Variants in CRTAC1 observed in about 807,000 individuals in gnomAD.
The protein encoded by CRTAC1 is cartilage acidic protein 1.
Under a neutral mutation model 67.8 loss-of-function variants are expected in CRTAC1, and 37 were observed. The observed-to-expected ratio is 0.55, with a 90% CI of 0.42 to 0.72. The LOEUF (loss-of-function observed/expected upper bound fraction) is 0.72. Among genes scored for constraint, CRTAC1 ranks in the 30% least tolerant of loss-of-function variants. CRTAC1 has a pLI of 0.00. For synonymous variants in CRTAC1, 348 were observed against 371.0 expected (o/e 0.94, Z 0.71); for missense variants, 780 against 931.6 (o/e 0.84, Z 2.12).
At position 97,884,867 on chromosome 10, in the gene CRTAC1, G is replaced by A. The variant is rs191093725; in HGVS notation, c.1487-516C>T. On this transcript the variant is annotated intron_variant, in intron 11 of 14. Coordinates refer to ENST00000370597, the MANE Select transcript of CRTAC1 (RefSeq NM_018058.7). Reference sequence around the variant, plus strand: ...GGCTCTACCCCTTACCTGGTATGTTGGAAAGAGCATGGTGGGAAGTGGGTG... The same window carrying A: ...GGCTCTACCCCTTACCTGGTATGTTAGAAAGAGCATGGTGGGAAGTGGGTG... Among the ~76,000 whole-genome samples, 260 of 152,254 alleles carry A rather than the reference G, an allele frequency of 1.7e-3. 5 individuals carry two copies. Among genetic ancestry groups the A allele is most frequent in the Non-Finnish European group, 3.7e-4 (25 of 68,004 alleles).
At chr10:98,016,549 A>G (rs966472635) in intron 1 of CRTAC1, among the ~76,000 whole-genome samples, 1 of 152,118 alleles carries the variant, frequency 6.6e-6, no homozygotes, top group African/African-American at 2.4e-5. Context: ...GTCAGGTGAT[A>G]TGAGACTCTA....
intron 2 of CRTAC1, among the ~76,000 whole-genome samples, chr10:98,008,010 C>T (rs1842826475): frequency 6.6e-6 from 1 of 152,142 alleles, no homozygotes; most frequent in African/African-American, 2.4e-5. Flanking sequence ...GCACACAGAG[C>T]CCACATTTAC....
intron 14 of CRTAC1, chr10:97,878,749 C>A: frequency 7.7e-7 from 1 of 1,293,836 alleles, no homozygotes; most frequent in African/African-American, 1.5e-5. Context: ...ATTGAGGAGT[C>A]TTAGAAAGGA....
rs1001930651 is a variant in CRTAC1 at position 97,922,139 on chromosome 10, A to AC, written c.558+1124dup. On this transcript the variant is annotated intron_variant, in intron 4 of 14. Transcript: ENST00000370597. The stretch of plus-strand genomic sequence containing the variant: ...GCCCCTAACCGTGACCAGGTCTGGC[A>AC]CCCCCCAGCTCCACCCCACACTCTG... Among the ~76,000 whole-genome samples, 51 of 150,198 alleles carry AC rather than the reference A, an allele frequency of 3.4e-4. 1 individual carries two copies. The highest frequency in any genetic ancestry group is 6.4e-4 in the Non-Finnish European group (43 of 67,576).
intron 2 of CRTAC1, among the ~76,000 whole-genome samples, chr10:98,002,948 T>A (rs1842722089): frequency 6.7e-6 from 1 of 150,338 alleles, no homozygotes; most frequent in Non-Finnish European, 1.5e-5. Flanking sequence ...CCAGCTAATT[T>A]TTTTTTTTGT....
At chr10:98,021,913 T>C (rs758730870) in intron 1 of CRTAC1, among the ~76,000 whole-genome samples, 2 of 152,216 alleles carry the variant, frequency 1.3e-5, no homozygotes, top group Admixed American at 6.5e-5. Flanking sequence ...CTTAGCATGC[T>C]ATGCTATACA....
At chr10:97,888,638 G>A (rs979143999) in intron 11 of CRTAC1, among the ~76,000 whole-genome samples, 20 of 152,260 alleles carry the variant, frequency 1.3e-4, no homozygotes, top group African/African-American at 4.6e-4. Flanking sequence ...GTCCTTAGGC[G>A]CAGCTCATCC....
intron 2 of CRTAC1, among the ~76,000 whole-genome samples, chr10:97,979,533 C>T (rs1241535096): frequency 6.6e-6 from 1 of 152,204 alleles, no homozygotes; most frequent in Admixed American, 6.5e-5. Context: ...TCGGCCCTTA[C>T]ATGAGTCCCC....
At chr10:97,921,903 T>C (rs1156382363) in intron 4 of CRTAC1, among the ~76,000 whole-genome samples, 35 of 19,090 alleles carry the variant, frequency 1.8e-3, no homozygotes, top group Non-Finnish European at 6.6e-3. Context: ...CAGGTCATCT[T>C]TTTTTTTTTT....
chr10:97,905,699 A>G (rs958339946), intron 6 of CRTAC1, among the ~76,000 whole-genome samples: 6 of 152,212 alleles, frequency 3.9e-5, no homozygotes, highest in African/African-American at 1.4e-4. Context: ...TACTTGCTGA[A>G]TGAGTGCACA....
chr10:97,966,680 T>G (rs2051621313), intron 2 of CRTAC1, among the ~76,000 whole-genome samples: 1 of 152,220 alleles, frequency 6.6e-6, no homozygotes, highest in Non-Finnish European at 1.5e-5. Flanking sequence ...CACGTTACAT[T>G]TAATTGTCAT....
intron 3 of CRTAC1, among the ~76,000 whole-genome samples, chr10:97,928,343 C>T (rs1373115067): frequency 2.0e-5 from 3 of 152,138 alleles, no homozygotes; most frequent in South Asian, 2.1e-4. Context: ...GGGGGAAGTA[C>T]GCCTTGGTCC....
At chr10:98,019,580 G>A (rs1843075185) in intron 1 of CRTAC1, among the ~76,000 whole-genome samples, 1 of 152,164 alleles carries the variant, frequency 6.6e-6, no homozygotes, top group Non-Finnish European at 1.5e-5. Flanking sequence ...GACATTTTGG[G>A]CCTCCGTCTT....
chr10:97,877,925 G>C (rs2050166165), intron 14 of CRTAC1, among the ~76,000 whole-genome samples: 1 of 152,226 alleles, frequency 6.6e-6, no homozygotes, highest in Admixed American at 6.5e-5. Context: ...TTGTGCTGTT[G>C]TGTATGGACA....
chr10:98,000,138 G>T (rs578167), intron 2 of CRTAC1, among the ~76,000 whole-genome samples: 25,318 of 152,060 alleles, frequency 0.17, 2,642 homozygotes, highest in African/African-American at 0.3. Flanking sequence ...TCATTCTTCG[G>T]GGTTGCAGGA....
rs1156743285 is a variant in CRTAC1, at chr10:97,904,711, G to T, written c.954C>A (p.Arg318=). ...CATGGGTGCTCATTTGCAGATAGAGGCGGTGGGGGCCATTCCAGTTGCCAT... is the reference window on the plus strand; with the variant it reads ...CATGGGTGCTCATTTGCAGATAGAGTCGGTGGGGGCCATTCCAGTTGCCAT... ...IVYGNWNGPH[R]LYLQMSTHGK... The change falls in exon 7 of 15, where the codon CGC becomes CGA. Residue 318 remains arginine (R), a synonymous_variant. Transcript: ENST00000370597. 2 of 1,598,260 alleles carry T rather than the reference G, an allele frequency of 1.3e-6. No individual in the cohort carries two copies. Among genetic ancestry groups the T allele is most frequent in the Non-Finnish European group, 1.7e-6 (2 of 1,172,984 alleles).
At chr10:97,988,782 T>G (rs2052026847) in intron 2 of CRTAC1, among the ~76,000 whole-genome samples, 1 of 152,234 alleles carries the variant, frequency 6.6e-6, no homozygotes, top group Non-Finnish European at 1.5e-5. Flanking sequence ...ACTTTCCACA[T>G]GTCAGACATA....
At chr10:97,882,387 A>G (rs571740617) in intron 13 of CRTAC1, among the ~76,000 whole-genome samples, 24 of 152,160 alleles carry the variant, frequency 1.6e-4, no homozygotes, top group African/African-American at 5.8e-4. Context: ...TCCATACACT[A>G]TTTTGCCCCA....
intron 2 of CRTAC1, among the ~76,000 whole-genome samples, chr10:97,950,493 C>A (rs1464527085): frequency 6.6e-6 from 1 of 152,144 alleles, no homozygotes; most frequent in African/African-American, 2.4e-5. Flanking sequence ...GGGCTGGGCA[C>A]AGGACTAGAG....
Sources: allele counts gnomAD v4.1 joint callset (sites outside exome capture counted in the v4.1 genomes callset), GRCh38; gene constraint gnomAD v4.1.1; transcripts MANE v1.5; gene names NCBI Gene and HGNC (gene_info 2026-07-23, HGNC 2026-07-21).